The following CYFIP2 variants were observed in gnomAD, a reference collection of about 807,000 sequenced individuals.
CYFIP2 encodes the protein cytoplasmic FMR1-interacting protein 2.
Under a neutral mutation model 158.7 loss-of-function variants are expected in CYFIP2, and 29 were observed. That is an observed-to-expected ratio of 0.18 (90% CI 0.14 to 0.25). The LOEUF (loss-of-function observed/expected upper bound fraction) is 0.25, where lower values mean the gene tolerates loss of function less well. Among genes scored for constraint, CYFIP2 ranks in the 10% least tolerant of loss-of-function variants. CYFIP2 has a pLI of 1.00. For synonymous variants in CYFIP2, 585 were observed against 617.6 expected (o/e 0.95, Z 0.78); for missense variants, 852 against 1,639.5 (o/e 0.52, Z 8.29).
At chr5:157,309,104 G>A (rs1249718759) in intron 9 of CYFIP2, among the ~76,000 whole-genome samples, 1 of 152,132 alleles carries the variant, frequency 6.6e-6, no homozygotes, top group African/African-American at 2.4e-5. Flanking sequence ...AGCTGTTTAA[G>A]CTTCAGTTCT....
At chr5:157,391,582 A>T (rs1232576700) in intron 30 of CYFIP2, among the ~76,000 whole-genome samples, 1 of 152,206 alleles carries the variant, frequency 6.6e-6, no homozygotes, top group Non-Finnish European at 1.5e-5. Context: ...GGATGTCTTC[A>T]AGGTTCATCC....
intron 26 of CYFIP2, among the ~76,000 whole-genome samples, chr5:157,370,902 T>G (rs1264413324): frequency 6.6e-6 from 1 of 152,232 alleles, no homozygotes; most frequent in Admixed American, 6.5e-5. Context: ...TACAGCACTA[T>G]TCAAGCAAGG....
intron 1 of CYFIP2, among the ~76,000 whole-genome samples, chr5:157,279,278 A>G (rs556108087): frequency 6.6e-6 from 1 of 152,228 alleles, no homozygotes; most frequent in South Asian, 2.1e-4. Flanking sequence ...TATATAGCTC[A>G]TAAGTGGCAG....
At chr5:157,290,621 G>T (rs1365983219) in intron 3 of CYFIP2, among the ~76,000 whole-genome samples, 1 of 152,174 alleles carries the variant, frequency 6.6e-6, no homozygotes, top group Admixed American at 6.5e-5. Context: ...AGACATCTTG[G>T]GGGGACCATT....
chr5:157,343,761 C>G (rs10077326), intron 23 of CYFIP2, among the ~76,000 whole-genome samples: 34,331 of 151,908 alleles, frequency 0.23, 4,390 homozygotes, highest in African/African-American at 0.34. Flanking sequence ...AAAGTTCAGG[C>G]CTAAGAACAG....
At chr5:157,343,265 A>T (rs36021229) in intron 23 of CYFIP2, 2 of 1,614,072 alleles carry the variant, frequency 1.2e-6, no homozygotes, top group African/African-American at 2.7e-5. Flanking sequence ...GGTGTGGAAC[A>T]TGGTGCAGTA....
intron 26 of CYFIP2, among the ~76,000 whole-genome samples, chr5:157,369,886 T>TTG (rs1561774791): frequency 2.7e-5 from 4 of 148,830 alleles, no homozygotes; most frequent in African/African-American, 7.5e-5. Context: ...CTAGTTTTTT[T>TTG]TTTTTTTTTT....
At chr5:157,288,416 T>C (rs950496627) in intron 3 of CYFIP2, among the ~76,000 whole-genome samples, 5 of 152,210 alleles carry the variant, frequency 3.3e-5, no homozygotes, top group Non-Finnish European at 7.3e-5. Context: ...CACAGCACTG[T>C]ATTGGTTATC....
At chr5:157,336,004 C>G (rs558240655) in intron 21 of CYFIP2, among the ~76,000 whole-genome samples, 3 of 152,262 alleles carry the variant, frequency 2.0e-5, no homozygotes, top group African/African-American at 7.2e-5. Context: ...GGCAGTGGCT[C>G]CCCAGAGAAC....
Position 157,298,755 on chromosome 5 carries a change from A to G in CYFIP2, c.388-1960A>G, listed in dbSNP as rs569801944. Among the ~76,000 whole-genome samples, 4 of 152,286 alleles carry G rather than the reference A, an allele frequency of 2.6e-5. No homozygotes were observed. In the East Asian group the frequency reaches 7.7e-4, roughly 29 times the overall value. ...CAGTCTCAGCCCGAGGCAACCACTAAGCTACTTTATGCTGCCATGGATTTG... is the reference window on the plus strand; with the variant it reads ...CAGTCTCAGCCCGAGGCAACCACTAGGCTACTTTATGCTGCCATGGATTTG... On this transcript the variant is annotated intron_variant, in intron 5 of 30. Coordinates refer to ENST00000620254, the MANE Select transcript of CYFIP2 (RefSeq NM_001037333.3).
At chr5:157,360,474 C>A in intron 25 of CYFIP2, 102 bp downstream of exon 25, 2 of 930,732 alleles carry the variant, frequency 2.1e-6, no homozygotes, top group South Asian at 1.6e-5. Context: ...AGTGAGCTGG[C>A]AGAGTACTGG....
intron 9 of CYFIP2, among the ~76,000 whole-genome samples, chr5:157,309,323 TAC>T (rs770764564): frequency 2.0e-5 from 3 of 152,216 alleles, no homozygotes; most frequent in Non-Finnish European, 4.4e-5. Context: ...GCTTTGAAAG[TAC>T]AGACTTTCTC....
intron 26 of CYFIP2, among the ~76,000 whole-genome samples, chr5:157,379,686 A>AAAAAAAC (rs1765857463): frequency 6.7e-6 from 1 of 150,334 alleles, no homozygotes; most frequent in African/African-American, 2.4e-5. Context: ...AAAAAAAAAA[A>AAAAAAAC]AAAAAAACCC....
rs1395366646 is a variant in CYFIP2, at chr5:157,395,553, A to T, written c.*2553A>T. On this transcript the variant is annotated 3_prime_UTR_variant, in exon 31 of 31. Coordinates refer to ENST00000620254, the MANE Select transcript of CYFIP2 (RefSeq NM_001037333.3). ...GGGTACCTGTGTTGAGTTGATAAACATTTCCATCTTCATTAAAACTGCTTC... is the reference window on the plus strand; with the variant it reads ...GGGTACCTGTGTTGAGTTGATAAACTTTTCCATCTTCATTAAAACTGCTTC... The T allele has an allele frequency of 3.4e-6, 4 of 1,183,194 alleles. No individual in the cohort carries two copies. Among genetic ancestry groups the T allele is most frequent in the Non-Finnish European group, 4.5e-6 (4 of 892,502 alleles). 73.3% of individuals were successfully genotyped at this position (1,183,194 alleles called of 1,614,324 possible).
intron 26 of CYFIP2, among the ~76,000 whole-genome samples, chr5:157,379,006 C>T (rs1765774086): frequency 2.0e-5 from 3 of 152,232 alleles, no homozygotes; most frequent in African/African-American, 7.2e-5. Context: ...TACTTGGCTC[C>T]ACTGCACCTC....
chr5:157,280,052 G>T (rs1257358024), intron 1 of CYFIP2, among the ~76,000 whole-genome samples: 1 of 152,204 alleles, frequency 6.6e-6, no homozygotes, highest in South Asian at 2.1e-4. Context: ...TGCCAGGGGA[G>T]AAGAAAGATA....
chr5:157,345,102 G>A (rs1241587684), intron 23 of CYFIP2, among the ~76,000 whole-genome samples: 2 of 152,222 alleles, frequency 1.3e-5, no homozygotes, highest in African/African-American at 2.4e-5. Flanking sequence ...GAAGGAGACC[G>A]AATGTTTATG....
rs1197464702 is a variant in CYFIP2 at position 157,393,163 on chromosome 5, G to A, written c.*163G>A. 2 of 622,518 alleles carry A rather than the reference G, an allele frequency of 3.2e-6. No homozygotes were observed. The highest frequency in any genetic ancestry group is 5.2e-6 in the Non-Finnish European group (2 of 382,414). 38.6% of individuals were successfully genotyped at this position (622,518 alleles called of 1,614,324 possible). Reference sequence around the variant, plus strand: ...ACTCCCTAGGGCGGGGCCTGTGCATGCTCTCCCATGACATCTCCATGCTGG... The same window carrying A: ...ACTCCCTAGGGCGGGGCCTGTGCATACTCTCCCATGACATCTCCATGCTGG... On this transcript the variant is annotated 3_prime_UTR_variant, in exon 31 of 31. Coordinates refer to ENST00000620254, the MANE Select transcript of CYFIP2 (RefSeq NM_001037333.3).
At position 157,324,045 on chromosome 5, in the gene CYFIP2, T is replaced by C. The variant is rs1760816131; in HGVS notation, c.1796T>C (p.Phe599Ser). 6.2e-7 allele frequency: 1 copy of C among 1,613,514 alleles called. No individual in the cohort carries two copies. Among genetic ancestry groups the C allele is most frequent in the African/African-American group, 1.3e-5 (1 of 74,908 alleles). Residue 599 changes from phenylalanine to serine, a missense_variant, in exon 16 of 31, where the codon TTC becomes TCC. This residue lies in a region of CYFIP2 where 167 missense variants were observed against 343.3 expected (regional missense o/e 0.49). Coordinates refer to ENST00000620254, the MANE Select transcript of CYFIP2 (RefSeq NM_001037333.3). ...LAIEDFHKQS[F>S]FFTHLLNISE... ...ATAGAGGACTTTCACAAACAGTCCT[T>C]CTTCTTCACACATCTGCTCAACATC...
Sources: allele counts gnomAD v4.1 joint callset (sites outside exome capture counted in the v4.1 genomes callset), GRCh38; gene constraint gnomAD v4.1.1; regional missense constraint gnomAD v4.1.1; transcripts MANE v1.5; gene names NCBI Gene and HGNC (gene_info 2026-07-23, HGNC 2026-07-21).